Variants in WASF3 observed in about 807,000 individuals in gnomAD.
WASF3 encodes WASP family member 3.
A neutral mutation model predicts 46.6 loss-of-function variants in WASF3; 11 were observed. The observed-to-expected ratio is 0.24, with a 90% CI of 0.15 to 0.39. WASF3 has a LOEUF of 0.39. Ranked by LOEUF, WASF3 falls within the 10% of genes least tolerant of loss-of-function variation. The pLI is 1.00. For synonymous variants in WASF3, 242 were observed against 259.7 expected, an observed-to-expected ratio of 0.93 and a Z score of 0.65; for missense variants, 576 against 669.8, an observed-to-expected ratio of 0.86 and a Z score of 1.55.
At chr13:26,585,665 G>A (rs1880107953) in intron 1 of WASF3, among the ~76,000 whole-genome samples, 1 of 152,044 alleles carries the variant, frequency 6.6e-6, no homozygotes, top group Non-Finnish European at 1.5e-5. Flanking sequence ...TTATAAATTT[G>A]ATAAGTGTTC....
intron 1 of WASF3, among the ~76,000 whole-genome samples, chr13:26,582,176 G>T (rs1879998098): frequency 6.6e-6 from 1 of 152,110 alleles, no homozygotes; most frequent in Non-Finnish European, 1.5e-5. Context: ...ATTACATACG[G>T]ATGGTTCCTG....
chr13:26,581,886 A>G (rs913297812), intron 1 of WASF3, among the ~76,000 whole-genome samples: 18 of 152,214 alleles, frequency 1.2e-4, no homozygotes, highest in Non-Finnish European at 2.4e-4. Context: ...GGACTTAACT[A>G]TGTTTGCTGA....
At chr13:26,656,163 C>T (rs1043180602) in intron 3 of WASF3, among the ~76,000 whole-genome samples, 1 of 152,236 alleles carries the variant, frequency 6.6e-6, no homozygotes, top group Admixed American at 6.5e-5. Flanking sequence ...TGAAAATCCA[C>T]GTACAGTTTT....
chr13:26,572,222 G>A (rs1424371098), intron 1 of WASF3, among the ~76,000 whole-genome samples: 1 of 152,086 alleles, frequency 6.6e-6, no homozygotes, highest in East Asian at 1.9e-4. Context: ...TCAGAAAAAT[G>A]TTAAATAGTG....
rs540286971 is a variant in WASF3 at position 26,668,179 on chromosome 13, C to T, written c.422+509C>T. On this transcript the variant is annotated intron_variant, in intron 5 of 9. Transcript: ENST00000335327. ...TCTGTTACTGGAAAATGGTAGGACA[C>T]GTTATCAGGACGAGACTTCCAAGAA... 3.4e-4 allele frequency among the ~76,000 whole-genome samples: 52 copies of T among 152,242 alleles called. No individual in the cohort carries two copies. In the South Asian group the frequency reaches 0.01, roughly 30 times the overall value.
intron 1 of WASF3, among the ~76,000 whole-genome samples, chr13:26,593,623 C>T (rs993583268): frequency 6.6e-6 from 1 of 152,024 alleles, no homozygotes; most frequent in Admixed American, 6.6e-5. Flanking sequence ...TTTATTTGCT[C>T]TTTTTGAGTC....
intron 1 of WASF3, among the ~76,000 whole-genome samples, chr13:26,575,243 C>CT (rs1039227899): frequency 6.6e-6 from 1 of 151,974 alleles, no homozygotes; most frequent in African/African-American, 2.4e-5. Flanking sequence ...GATTGTATGG[C>CT]TTTTTTTTCT....
intron 7 of WASF3, among the ~76,000 whole-genome samples, chr13:26,677,181 AAG>A (rs1250629794): frequency 6.6e-6 from 1 of 152,240 alleles, no homozygotes; most frequent in Non-Finnish European, 1.5e-5. Flanking sequence ...TGATGAACAA[AAG>A]AGAGATTTAC....
intron 1 of WASF3, among the ~76,000 whole-genome samples, chr13:26,601,487 G>C (rs1453423550): frequency 2.0e-5 from 3 of 152,158 alleles, no homozygotes; most frequent in Non-Finnish European, 4.4e-5. Context: ...TGGATGATGG[G>C]GGATGATGGA....
intron 2 of WASF3, among the ~76,000 whole-genome samples, chr13:26,625,076 A>G (rs1219278165): frequency 6.6e-6 from 1 of 152,206 alleles, no homozygotes; most frequent in African/African-American, 2.4e-5. Flanking sequence ...GTAAAAGAGA[A>G]TAAATATGTT....
the WASF3 span, among the ~76,000 whole-genome samples, chr13:26,546,054 T>C: frequency 6.6e-6 from 1 of 152,256 alleles, no homozygotes; most frequent in African/African-American, 2.4e-5. Flanking sequence ...TTCACTCTTT[T>C]GCTTCTTTTC....
the WASF3 span, among the ~76,000 whole-genome samples, chr13:26,551,240 A>G: frequency 2.0e-5 from 3 of 152,092 alleles, no homozygotes; most frequent in Non-Finnish European, 2.9e-5. Context: ...TGCAGAACTG[A>G]GTCAATTAAA....
intron 2 of WASF3, among the ~76,000 whole-genome samples, chr13:26,616,595 G>A (rs899057313): frequency 6.6e-6 from 1 of 151,954 alleles, no homozygotes; most frequent in Non-Finnish European, 1.5e-5. Context: ...GCCAATATGG[G>A]ATTATTTTTT....
chr13:26,654,457 T>C (rs1391187495), intron 3 of WASF3, among the ~76,000 whole-genome samples: 1 of 152,154 alleles, frequency 6.6e-6, no homozygotes, highest in Non-Finnish European at 1.5e-5. Flanking sequence ...ACCAGACATA[T>C]TGCTTGTTTA....
At chr13:26,661,038 G>C (rs140517147) in intron 3 of WASF3, among the ~76,000 whole-genome samples, 6 of 152,166 alleles carry the variant, frequency 3.9e-5, no homozygotes, top group African/African-American at 1.4e-4. Context: ...GCAAAAACTC[G>C]CTCACCCAGG....
chr13:26,621,507 C>T (rs1881305049), intron 2 of WASF3, among the ~76,000 whole-genome samples: 1 of 152,130 alleles, frequency 6.6e-6, no homozygotes, highest in Admixed American at 6.5e-5. Flanking sequence ...GAAACTTGCA[C>T]AGAGTCGTGT....
chr13:26,567,710 AT>A (rs1879510897), intron 1 of WASF3, among the ~76,000 whole-genome samples: 1 of 150,912 alleles, frequency 6.6e-6, no homozygotes, highest in Admixed American at 6.6e-5. Flanking sequence ...AAAAAAAAAT[AT>A]ATATATATAT....
At chr13:26,557,475 G>T (rs1304908365), upstream of WASF3, among the ~76,000 whole-genome samples, 1 of 151,370 alleles carries the variant, frequency 6.6e-6, no homozygotes, top group Non-Finnish European at 1.5e-5. Context: ...AGCTGGGGGC[G>T]GAGGACCAAG....
At chr13:26,645,364 C>T (rs1208316543) in intron 3 of WASF3, among the ~76,000 whole-genome samples, 1 of 152,202 alleles carries the variant, frequency 6.6e-6, no homozygotes, top group Non-Finnish European at 1.5e-5. Flanking sequence ...GCCTCCAGAA[C>T]TGTGAGAAAT....
Sources: gnomAD v4.1 joint callset for allele counts (sites outside exome capture counted in the v4.1 genomes callset) on GRCh38, gnomAD v4.1.1 for gene constraint, MANE v1.5 for transcripts, NCBI Gene and HGNC (gene_info 2026-07-23, HGNC 2026-07-21) for gene names.